The following GMDS variants were observed in gnomAD, a reference collection of about 807,000 sequenced individuals.
The protein encoded by GMDS is GDP-mannose 4,6-dehydratase.
Under a neutral mutation model 49.9 loss-of-function variants are expected in GMDS, and 20 were observed. The ratio of observed to expected loss-of-function variants is 0.40; its 90% CI spans 0.28 to 0.58. GMDS has a LOEUF of 0.58. Ranked by LOEUF, GMDS falls within the 20% of genes least tolerant of loss-of-function variation. The pLI, the probability that GMDS is intolerant of heterozygous loss-of-function variation, is 0.42. For synonymous variants in GMDS, 177 were observed against 178.6 expected, an observed-to-expected ratio of 0.99 and a Z score of 0.07; for missense variants, 362 against 481.4, an observed-to-expected ratio of 0.75 and a Z score of 2.32.
chr6:1,991,932 G>A (rs187296049), intron 4 of GMDS, among the ~76,000 whole-genome samples: 3 of 152,302 alleles, frequency 2.0e-5, no homozygotes, highest in African/African-American at 4.8e-5. Context: ...AGGACAGATC[G>A]GAGTTACGCA....
chr6:2,094,396 G>C (rs1219893353), intron 4 of GMDS, among the ~76,000 whole-genome samples: 2 of 152,202 alleles, frequency 1.3e-5, no homozygotes, highest in African/African-American at 4.8e-5. Flanking sequence ...AGGAAATATA[G>C]CTAAGAGACC....
chr6:1,788,187 C>T (rs886095018), intron 7 of GMDS, among the ~76,000 whole-genome samples: 13 of 152,098 alleles, frequency 8.5e-5, no homozygotes, highest in Admixed American at 2.6e-4. Flanking sequence ...GACTGGGAGC[C>T]GACCAAGGCC....
chr6:2,062,790 C>T (rs1324096191), intron 4 of GMDS, among the ~76,000 whole-genome samples: 1 of 152,180 alleles, frequency 6.6e-6, no homozygotes, highest in Admixed American at 6.5e-5. Flanking sequence ...AAAGGAACAA[C>T]TGGCAACAAA....
chr6:2,163,000 G>A (rs1777481928), intron 1 of GMDS, among the ~76,000 whole-genome samples: 1 of 152,172 alleles, frequency 6.6e-6, no homozygotes, highest in African/African-American at 2.4e-5. Context: ...ACAGCCCACT[G>A]ATCTAGACAG....
chr6:1,667,516 A>G (rs1164040647), intron 9 of GMDS, among the ~76,000 whole-genome samples: 1 of 152,154 alleles, frequency 6.6e-6, no homozygotes, highest in Non-Finnish European at 1.5e-5. Context: ...AAGCCTAAAC[A>G]TTTTTTAACA....
chr6:1,721,437 A>G (rs544086648), intron 9 of GMDS, among the ~76,000 whole-genome samples: 2 of 152,328 alleles, frequency 1.3e-5, no homozygotes, highest in East Asian at 1.9e-4. Flanking sequence ...CAATGGGAAG[A>G]AAAAGAAAAA....
chr6:1,644,694 G>A (rs1414498473), intron 9 of GMDS, among the ~76,000 whole-genome samples: 2 of 152,300 alleles, frequency 1.3e-5, no homozygotes, highest in East Asian at 3.9e-4. Flanking sequence ...GCGAAGAGGA[G>A]GGACTGTGAG....
chr6:1,697,913 T>A (rs1010660325), intron 9 of GMDS, among the ~76,000 whole-genome samples: 2 of 152,366 alleles, frequency 1.3e-5, no homozygotes, highest in Middle Eastern at 3.4e-3. Flanking sequence ...GCTCTCTTGT[T>A]CCATGGGAAT....
chr6:1,874,960 T>C (rs1758957768), intron 7 of GMDS, among the ~76,000 whole-genome samples: 1 of 152,262 alleles, frequency 6.6e-6, no homozygotes. Context: ...TTTACAAATG[T>C]ATGCGTAGCT....
chr6:1,964,281 G>C (rs908058362), intron 4 of GMDS, among the ~76,000 whole-genome samples: 1 of 152,204 alleles, frequency 6.6e-6, no homozygotes, highest in African/African-American at 2.4e-5. Flanking sequence ...ACAACAATGA[G>C]AATGTTGTGA....
intron 1 of GMDS, among the ~76,000 whole-genome samples, chr6:2,203,110 T>G (rs972309786): frequency 8.5e-5 from 13 of 152,354 alleles, no homozygotes; most frequent in East Asian, 7.7e-4. Flanking sequence ...ATTGCCAACA[T>G]AAATTACTTT....
chr6:1,903,655 C>T (rs1163821373), intron 7 of GMDS, among the ~76,000 whole-genome samples: 1 of 152,200 alleles, frequency 6.6e-6, no homozygotes, highest in Non-Finnish European at 1.5e-5. Context: ...TGATATATTA[C>T]ATGTTCCTTC....
At chr6:1,750,601 TC>T (rs1178108538) in intron 7 of GMDS, among the ~76,000 whole-genome samples, 2 of 152,134 alleles carry the variant, frequency 1.3e-5, no homozygotes, top group Non-Finnish European at 2.9e-5. Flanking sequence ...ACCAGGAGAT[TC>T]CTTCGGGTGC....
At chr6:1,891,996 T>C (rs1293885490) in intron 7 of GMDS, among the ~76,000 whole-genome samples, 1 of 152,254 alleles carries the variant, frequency 6.6e-6, no homozygotes, top group Non-Finnish European at 1.5e-5. Flanking sequence ...GCTTAACTTC[T>C]GAAGGTAGCA....
chr6:1,827,346 C>T (rs933268376), intron 7 of GMDS, among the ~76,000 whole-genome samples: 4 of 142,612 alleles, frequency 2.8e-5, no homozygotes, highest in African/African-American at 1.1e-4. Flanking sequence ...TGTATATACA[C>T]ACGTTTTGGA....
chr6:1,739,955 T>C (rs1581531544), intron 8 of GMDS, among the ~76,000 whole-genome samples: 1 of 152,244 alleles, frequency 6.6e-6, no homozygotes. Context: ...TTTATTAGCA[T>C]AGATACTTCA....
chr6:2,238,291 G>A (rs1466026165), intron 1 of GMDS, among the ~76,000 whole-genome samples: 2 of 151,730 alleles, frequency 1.3e-5, no homozygotes, highest in African/African-American at 2.4e-5. Flanking sequence ...GCTGAAGCAG[G>A]AGGATCACCT....
chr6:1,737,701 C>T (rs757014655), intron 8 of GMDS, among the ~76,000 whole-genome samples: 7 of 147,030 alleles, frequency 4.8e-5, no homozygotes, highest in East Asian at 2.1e-4. Flanking sequence ...TACACACACA[C>T]GCACACACCA....
chr6:1,798,265 A>G (rs1769816698), intron 7 of GMDS, among the ~76,000 whole-genome samples: 2 of 151,810 alleles, frequency 1.3e-5, no homozygotes, highest in Admixed American at 6.6e-5. Flanking sequence ...ACACACACAC[A>G]CACACACACA....
Sources: allele counts gnomAD v4.1 joint callset (sites outside exome capture counted in the v4.1 genomes callset), GRCh38; gene constraint gnomAD v4.1.1; transcripts MANE v1.5; gene names NCBI Gene and HGNC (gene_info 2026-07-23, HGNC 2026-07-21).